GABRB1: variants seen among roughly 807,000 people sequenced by gnomAD.
GABRB1 encodes gamma-aminobutyric acid receptor subunit beta-1.
GABRB1 carries 17 observed loss-of-function variants against 51.6 expected under a neutral mutation model. The ratio of observed to expected loss-of-function variants is 0.33; its 90% confidence interval spans 0.23 to 0.49. The LOEUF is 0.49. Ranked by LOEUF, GABRB1 falls within the 20% of genes least tolerant of loss-of-function variation. GABRB1 has a pLI of 0.99. For missense variants in GABRB1, 410 were observed against 600.6 expected, an observed-to-expected ratio of 0.68 and a Z score of 3.32; for synonymous variants, 247 against 218.9, an observed-to-expected ratio of 1.13 and a Z score of -1.14.
chr4:47,232,823 T>C (rs1434411051), intron 4 of GABRB1, among the ~76,000 whole-genome samples: 2 of 148,436 alleles, frequency 1.3e-5, no homozygotes, highest in Non-Finnish European at 3.0e-5. Flanking sequence ...AAATTTCTTA[T>C]TTTTTTTTGT....
At chr4:47,024,258 T>C (rs1725017278) in intron 1 of GABRB1, among the ~76,000 whole-genome samples, 1 of 152,004 alleles carries the variant, frequency 6.6e-6, no homozygotes, top group African/African-American at 2.4e-5. Context: ...TGGAATTTAC[T>C]TCCTATACTT....
intron 3 of GABRB1, among the ~76,000 whole-genome samples, chr4:47,125,759 T>G (rs1299659902): frequency 6.8e-6 from 1 of 146,904 alleles, no homozygotes; most frequent in South Asian, 2.2e-4. Context: ...GTTTCACCGT[T>G]TTAGCCGGGA....
At chr4:47,335,010 G>C (rs935859708) in intron 5 of GABRB1, among the ~76,000 whole-genome samples, 1 of 152,128 alleles carries the variant, frequency 6.6e-6, no homozygotes, top group Non-Finnish European at 1.5e-5. Context: ...TGTGTCAACA[G>C]TAGAAAAGTC....
intron 4 of GABRB1, among the ~76,000 whole-genome samples, chr4:47,211,227 T>G (rs546117627): frequency 3.3e-4 from 51 of 152,306 alleles, no homozygotes; most frequent in African/African-American, 1.2e-3. Context: ...ATCTACTCAC[T>G]GTAGCTTAGC....
intron 5 of GABRB1, among the ~76,000 whole-genome samples, chr4:47,325,731 C>T (rs376138006): frequency 6.6e-6 from 1 of 152,190 alleles, no homozygotes; most frequent in East Asian, 1.9e-4. Flanking sequence ...CTTCAGTCCT[C>T]ACCTCACATG....
At chr4:47,219,730 G>A (rs950789585) in intron 4 of GABRB1, among the ~76,000 whole-genome samples, 2 of 151,852 alleles carry the variant, frequency 1.3e-5, no homozygotes, top group Non-Finnish European at 2.9e-5. Flanking sequence ...ACCAACATAT[G>A]TGGAATTACC....
chr4:47,120,244 C>T (rs928979982), intron 3 of GABRB1, among the ~76,000 whole-genome samples: 7 of 152,100 alleles, frequency 4.6e-5, no homozygotes, highest in African/African-American at 1.7e-4. Flanking sequence ...ATATATAAAG[C>T]AAATATTATT....
At chr4:47,405,826 C>T (rs1168420393) in intron 7 of GABRB1, among the ~76,000 whole-genome samples, 2 of 152,138 alleles carry the variant, frequency 1.3e-5, no homozygotes, top group African/African-American at 2.4e-5. Flanking sequence ...TTCATCACCA[C>T]CATCATCAAC....
chr4:47,156,051 C>T (rs1246120283), intron 3 of GABRB1, among the ~76,000 whole-genome samples: 1 of 150,716 alleles, frequency 6.6e-6, no homozygotes, highest in African/African-American at 2.4e-5. Flanking sequence ...GCAGATATCT[C>T]ATTGATATAT....
At chr4:47,027,867 A>G (rs1725150614), upstream of GABRB1, among the ~76,000 whole-genome samples, 1 of 151,420 alleles carries the variant, frequency 6.6e-6, no homozygotes, top group Non-Finnish European at 1.5e-5. Context: ...TTAAATCAGA[A>G]AAACTGATCA....
At chr4:47,224,300 A>AAT (rs140734951) in intron 4 of GABRB1, among the ~76,000 whole-genome samples, 160 of 150,318 alleles carry the variant, frequency 1.1e-3, no homozygotes, top group Middle Eastern at 3.5e-3. Flanking sequence ...TGCTTATTAA[A>AAT]ATATATATAT....
At chr4:47,040,843 A>G (rs890723483) in intron 3 of GABRB1, among the ~76,000 whole-genome samples, 4 of 152,144 alleles carry the variant, frequency 2.6e-5, no homozygotes, top group Non-Finnish European at 5.9e-5. Flanking sequence ...ATCCCTAGTA[A>G]TATAGCTTTT....
At chr4:47,241,253 C>G (rs114685921) in intron 4 of GABRB1, among the ~76,000 whole-genome samples, 1 of 150,510 alleles carries the variant, frequency 6.6e-6, no homozygotes, top group Non-Finnish European at 1.5e-5. Context: ...CTTTTTTTTC[C>G]GAAAGTAATT....
chr4:47,060,607 GT>G (rs1726807179), intron 3 of GABRB1, among the ~76,000 whole-genome samples: 2 of 152,098 alleles, frequency 1.3e-5, no homozygotes, highest in Admixed American at 1.3e-4. Context: ...TTTATACTTA[GT>G]TTAAAAATCC....
chr4:47,037,561 T>TA (rs1191396404), intron 3 of GABRB1, among the ~76,000 whole-genome samples: 3 of 150,484 alleles, frequency 2.0e-5, no homozygotes, highest in Non-Finnish European at 4.4e-5. Context: ...TTTTTTGTTT[T>TA]TTTTTTTTAC....
At chr4:47,021,530 T>C (rs1034846571) in intron 1 of GABRB1, among the ~76,000 whole-genome samples, 1 of 152,136 alleles carries the variant, frequency 6.6e-6, no homozygotes, top group African/African-American at 2.4e-5. Flanking sequence ...TGCTTTCGGA[T>C]CCTCTGCAGG....
chr4:47,022,431 A>G (rs1724952451), intron 1 of GABRB1, among the ~76,000 whole-genome samples: 1 of 152,130 alleles, frequency 6.6e-6, no homozygotes, highest in South Asian at 2.1e-4. Context: ...GGCCAAAAGA[A>G]TGACAAATTA....
At chr4:47,028,809 A>C (rs1331580954), upstream of GABRB1, among the ~76,000 whole-genome samples, 3 of 148,768 alleles carry the variant, frequency 2.0e-5, no homozygotes, top group African/African-American at 7.4e-5. Context: ...ATATGTGTAT[A>C]TATATGTATA....
chr4:47,358,431 A>G (rs1174153689), intron 5 of GABRB1, among the ~76,000 whole-genome samples: 1 of 151,856 alleles, frequency 6.6e-6, no homozygotes, highest in Non-Finnish European at 1.5e-5. Context: ...AGAGAGAGAG[A>G]GAGAGATTTA....
Sources: gnomAD v4.1 joint callset for allele counts (sites outside exome capture counted in the v4.1 genomes callset) on GRCh38, gnomAD v4.1.1 for gene constraint, MANE v1.5 for transcripts, NCBI Gene and HGNC (gene_info 2026-07-23, HGNC 2026-07-21) for gene names.